SGCZ: variants seen among roughly 807,000 people sequenced by gnomAD.
The protein encoded by SGCZ is sarcoglycan zeta, also known as zeta-sarcoglycan.
In SGCZ, 40 loss-of-function variants were observed where a neutral mutation model predicts 41.3. The ratio of observed to expected loss-of-function variants is 0.97; its 90% CI spans 0.75 to 1.26. The LOEUF (loss-of-function observed/expected upper bound fraction) is 1.26, where lower values mean the gene tolerates loss of function less well. Ranked by LOEUF, SGCZ falls within the 50% of genes most tolerant of loss-of-function variation. The pLI is 0.00. For missense variants in SGCZ, 552 were observed against 369.8 expected (o/e 1.49, Z -4.04); for synonymous variants, 206 against 137.5 (o/e 1.50, Z -3.49).
intron 1 of SGCZ, among the ~76,000 whole-genome samples, chr8:15,129,773 G>C (rs980691512): frequency 6.8e-6 from 1 of 147,668 alleles, no homozygotes; most frequent in African/African-American, 2.5e-5. Flanking sequence ...AGATTAAATG[G>C]AACTCTCTTT....
At chr8:14,745,917 A>G (rs890464083) in intron 1 of SGCZ, among the ~76,000 whole-genome samples, 2 of 151,990 alleles carry the variant, frequency 1.3e-5, no homozygotes, top group African/African-American at 4.8e-5. Context: ...ATTTTTTTTT[A>G]AAAGACTTAT....
chr8:15,144,358 ATTATTGTTG>A, intron 1 of SGCZ, among the ~76,000 whole-genome samples: 1 of 152,218 alleles, frequency 6.6e-6, no homozygotes, highest in Admixed American at 6.5e-5. Flanking sequence ...AGGTTGACCT[ATTATTGTTG>A]CATATCCTCA....
At chr8:14,746,971 C>A (rs907818281) in intron 1 of SGCZ, among the ~76,000 whole-genome samples, 1 of 152,128 alleles carries the variant, frequency 6.6e-6, no homozygotes, top group Non-Finnish European at 1.5e-5. Flanking sequence ...GCATTCATAC[C>A]TGATACAGTT....
chr8:14,536,871 T>A (rs1336914577), intron 2 of SGCZ, among the ~76,000 whole-genome samples: 1 of 151,918 alleles, frequency 6.6e-6, no homozygotes, highest in Non-Finnish European at 1.5e-5. Context: ...TAGTCTTCAG[T>A]GTTGAGCAGA....
chr8:14,361,830 G>A (rs910685484), intron 2 of SGCZ, among the ~76,000 whole-genome samples: 2 of 152,090 alleles, frequency 1.3e-5, no homozygotes, highest in Admixed American at 6.6e-5. Flanking sequence ...ATCTATCTTT[G>A]GTTCTTAATG....
intron 1 of SGCZ, among the ~76,000 whole-genome samples, chr8:15,183,232 A>G (rs1800230582): frequency 6.6e-6 from 1 of 152,240 alleles, no homozygotes. Flanking sequence ...AACCAGTAAC[A>G]TAGTCATTTA....
intron 2 of SGCZ, among the ~76,000 whole-genome samples, chr8:14,480,143 C>T (rs1801496021): frequency 6.6e-6 from 1 of 152,192 alleles, no homozygotes. Flanking sequence ...TTATATTCTT[C>T]TACTTCTACA....
chr8:14,385,401 A>C (rs1804539585), intron 2 of SGCZ, among the ~76,000 whole-genome samples: 1 of 152,154 alleles, frequency 6.6e-6, no homozygotes, highest in Non-Finnish European at 1.5e-5. Flanking sequence ...AGCAATTAAA[A>C]CCATTAATTC....
At chr8:14,976,348 T>A (rs1801477929) in intron 1 of SGCZ, among the ~76,000 whole-genome samples, 1 of 152,088 alleles carries the variant, frequency 6.6e-6, no homozygotes, top group Non-Finnish European at 1.5e-5. Flanking sequence ...GACTAGGAAG[T>A]TCAGGGCCAT....
intron 1 of SGCZ, among the ~76,000 whole-genome samples, chr8:14,792,860 C>A (rs889490457): frequency 1.3e-5 from 2 of 152,178 alleles, no homozygotes; most frequent in Non-Finnish European, 2.9e-5. Flanking sequence ...TGCTCCCAGC[C>A]TTCTCTTCGA....
chr8:14,786,089 A>G (rs1800757975), intron 1 of SGCZ, among the ~76,000 whole-genome samples: 1 of 137,498 alleles, frequency 7.3e-6, no homozygotes, highest in South Asian at 2.1e-4. Flanking sequence ...TGGTATACTG[A>G]AAAAAATGAG....
chr8:15,157,545 C>T (rs903735254), intron 1 of SGCZ, among the ~76,000 whole-genome samples: 1 of 152,152 alleles, frequency 6.6e-6, no homozygotes, highest in African/African-American at 2.4e-5. Context: ...TCAATTCATG[C>T]TTTATGCCTT....
chr8:14,376,409 CTGTA>C (rs1421229765), intron 2 of SGCZ, among the ~76,000 whole-genome samples: 1 of 152,114 alleles, frequency 6.6e-6, no homozygotes, highest in African/African-American at 2.4e-5. Flanking sequence ...ATTTTGAACA[CTGTA>C]TGCAGAGAGA....
At position 15,109,229 on chromosome 8, in the gene SGCZ, C is replaced by G. The variant is rs76292035; in HGVS notation, c.39+128356G>C. On this transcript the variant is annotated intron_variant, in intron 1 of 7. Transcript: ENST00000382080. ...AAGACAATGCCTTCTCCTTTCCCAG[C>G]TTACAGATCCCAGGAGCCCAATGTT... 5.9e-5 allele frequency among the ~76,000 whole-genome samples: 9 copies of G among 152,134 alleles called. No homozygotes were observed. In the East Asian group the frequency reaches 1.7e-3, roughly 29 times the overall value.
At position 15,118,295 on chromosome 8, in the gene SGCZ, TA is replaced by T. The variant is rs200391513; in HGVS notation, c.39+119289del. ...ATTTGAGGAAATGTCTTTAAGAGAA[TA>T]ATTGTATTTTGAAAAATCCTAAAAA... On this transcript the variant is annotated intron_variant, in intron 1 of 7. Coordinates refer to ENST00000382080, the MANE Select transcript of SGCZ (RefSeq NM_139167.4). 1.7e-3 allele frequency among the ~76,000 whole-genome samples: 261 copies of T among 152,326 alleles called. 3 individuals carry two copies. In the East Asian group the frequency reaches 0.043, roughly 25 times the overall value.
At chr8:14,272,493 T>C (rs1265530160) in intron 3 of SGCZ, among the ~76,000 whole-genome samples, 1 of 152,186 alleles carries the variant, frequency 6.6e-6, no homozygotes, top group Non-Finnish European at 1.5e-5. Flanking sequence ...GTGGGGTGAA[T>C]GACTTAATGT....
chr8:14,371,899 G>T (rs1297175028), intron 2 of SGCZ, among the ~76,000 whole-genome samples: 1 of 152,092 alleles, frequency 6.6e-6, no homozygotes, highest in Non-Finnish European at 1.5e-5. Context: ...GAGGGTTAAA[G>T]AAGATGGAGA....
chr8:14,394,256 T>C (rs961217563), intron 2 of SGCZ, among the ~76,000 whole-genome samples: 1 of 151,336 alleles, frequency 6.6e-6, no homozygotes, highest in African/African-American at 2.4e-5. Context: ...GTTTAAGTGA[T>C]TCTCCTGCCT....
intron 1 of SGCZ, among the ~76,000 whole-genome samples, chr8:14,688,602 G>C (rs1332252416): frequency 6.6e-6 from 1 of 152,110 alleles, no homozygotes; most frequent in Non-Finnish European, 1.5e-5. Flanking sequence ...CTGTAGCCTT[G>C]TAGTATAGTT....
Sources: allele counts gnomAD v4.1 joint callset (sites outside exome capture counted in the v4.1 genomes callset), GRCh38; gene constraint gnomAD v4.1.1; transcripts MANE v1.5; gene names NCBI Gene and HGNC (gene_info 2026-07-23, HGNC 2026-07-21).